The following FSD1L variants were observed in gnomAD, a reference collection of about 807,000 sequenced individuals.
FSD1L encodes FSD1-like protein.
A neutral mutation model predicts 71.6 loss-of-function variants in FSD1L; 45 were observed. That is an observed-to-expected ratio of 0.63 (90% CI 0.49 to 0.81). The LOEUF (loss-of-function observed/expected upper bound fraction) is 0.81. Among genes scored for constraint, FSD1L ranks in the 30% least tolerant of loss-of-function variants. The pLI is 0.00. For synonymous variants in FSD1L, 197 were observed against 207.2 expected (o/e 0.95, Z 0.42); for missense variants, 561 against 618.1 (o/e 0.91, Z 0.98).
At chr9:105,471,883 T>G (rs1337442234) in intron 4 of FSD1L, 21 bp from the exon 5 acceptor site, 4 of 442,824 alleles carry the variant, frequency 9.0e-6, no homozygotes, top group Non-Finnish European at 1.3e-5. Context: ...AATGACTTAG[T>G]TTTTTTTTTT....
chr9:105,491,648 C>G (rs1832947084), intron 7 of FSD1L, among the ~76,000 whole-genome samples: 1 of 151,790 alleles, frequency 6.6e-6, no homozygotes, highest in African/African-American at 2.4e-5. Context: ...TCATAGATAG[C>G]TCTTATTATT....
In FSD1L at chr9:105,448,106, C is replaced by A; in HGVS notation, c.-115C>A. 2 of 1,177,610 alleles carry A rather than the reference C, an allele frequency of 1.7e-6. No homozygotes were observed. The highest frequency in any genetic ancestry group is 2.1e-5 in the Admixed American group (1 of 47,878). The allele number at this position is 1,177,610 out of a possible 1,614,324, so 72.9% of individuals were successfully genotyped here. ...CGCGGACGGGTGGGGCCGGGCGGTG[C>A]CGGTGCGGGCTGGGGCAGTGCAGTG... On this transcript the variant is annotated 5_prime_UTR_variant, in exon 1 of 14. Coordinates refer to ENST00000481272, the MANE Select transcript of FSD1L (RefSeq NM_001145313.3).
chr9:105,495,761 G>A (rs1833344076), intron 7 of FSD1L, among the ~76,000 whole-genome samples: 1 of 152,168 alleles, frequency 6.6e-6, no homozygotes, highest in Admixed American at 6.5e-5. Flanking sequence ...CAGATCACAA[G>A]GTCAGGAGAT....
At chr9:105,515,869 T>G (rs1189409603) in intron 10 of FSD1L, among the ~76,000 whole-genome samples, 2 of 151,780 alleles carry the variant, frequency 1.3e-5, no homozygotes, top group Non-Finnish European at 2.9e-5. Context: ...AAAGGGATGC[T>G]GAAACCAGGG....
At chr9:105,459,317 C>T (rs1046482515) in intron 1 of FSD1L, among the ~76,000 whole-genome samples, 1 of 152,186 alleles carries the variant, frequency 6.6e-6, no homozygotes, top group Admixed American at 6.5e-5. Context: ...TTTTCCAGTT[C>T]TACTGAGCAC....
chr9:105,536,323 C>T (rs1312302781), intron 12 of FSD1L, among the ~76,000 whole-genome samples: 1 of 152,268 alleles, frequency 6.6e-6, no homozygotes, highest in African/African-American at 2.4e-5. Flanking sequence ...AACTTTCTTG[C>T]CCTGTTTTTC....
intron 6 of FSD1L, 92 bp from the exon 7 acceptor site, chr9:105,484,289 G>A (rs1832394720): frequency 1.2e-6 from 1 of 849,526 alleles, no homozygotes; most frequent in Non-Finnish European, 1.7e-6. Flanking sequence ...GAAATTATTA[G>A]TGATATAATT....
chr9:105,464,059 A>G (rs866570793), intron 2 of FSD1L, among the ~76,000 whole-genome samples, 177 bp from the exon 3 acceptor site: 25 of 152,194 alleles, frequency 1.6e-4, no homozygotes, highest in African/African-American at 5.5e-4. Context: ...GTACAAATAT[A>G]TACCCCATCT....
intron 1 of FSD1L, among the ~76,000 whole-genome samples, chr9:105,452,833 C>G (rs1830123342): frequency 6.6e-6 from 1 of 151,914 alleles, no homozygotes; most frequent in Non-Finnish European, 1.5e-5. Flanking sequence ...TTTCTGTGCT[C>G]AAGCTATCCT....
At chr9:105,523,378 C>T (rs1486322645) in intron 10 of FSD1L, 3 of 1,605,140 alleles carry the variant, frequency 1.9e-6, no homozygotes, top group Non-Finnish European at 8.5e-7. Context: ...GAATTTCCAT[C>T]AGAATGTTGT....
intron 8 of FSD1L, among the ~76,000 whole-genome samples, chr9:105,508,243 T>C (rs1834183819): frequency 6.7e-6 from 1 of 148,212 alleles, no homozygotes; most frequent in Admixed American, 6.8e-5. Flanking sequence ...AGTGGCGCGA[T>C]CTCAGCTAAC....
At chr9:105,443,582 G>A (rs138436545), upstream of FSD1L, among the ~76,000 whole-genome samples, 420 of 152,172 alleles carry the variant, frequency 2.8e-3, 1 homozygote, top group African/African-American at 9.4e-3. Context: ...TTTTTGCTTT[G>A]ACTTCCAAGG....
At chr9:105,509,286 T>C (rs946447424) in intron 9 of FSD1L, among the ~76,000 whole-genome samples, 3 of 152,186 alleles carry the variant, frequency 2.0e-5, no homozygotes, top group East Asian at 3.8e-4. Context: ...TAGACCTAGT[T>C]TGGAAAGGTG....
At position 105,448,087 on chromosome 9, in the gene FSD1L, C is replaced by T. The variant is rs1465076481; in HGVS notation, c.-134C>T. On this transcript the variant is annotated 5_prime_UTR_variant, in exon 1 of 14. It adds an upstream start codon to the 5' untranslated region. Coordinates refer to ENST00000481272, the MANE Select transcript of FSD1L (RefSeq NM_001145313.3). ...ACGGCGCGCGCGGTCTGGGCGCGGACGGGTGGGGCCGGGCGGTGCCGGTGC... is the reference window on the plus strand; with the variant it reads ...ACGGCGCGCGCGGTCTGGGCGCGGATGGGTGGGGCCGGGCGGTGCCGGTGC... 1 of 1,014,800 alleles carries T rather than the reference C, an allele frequency of 9.9e-7. No individual in the cohort carries two copies. Among genetic ancestry groups the T allele is most frequent in the Non-Finnish European group, 1.5e-6 (1 of 674,666 alleles). 62.9% of individuals were successfully genotyped at this position (1,014,800 alleles called of 1,614,324 possible). A position where few individuals can be genotyped will look rare whatever the true frequency, so the allele number is the denominator to read the frequency against.
Position 105,448,363 on chromosome 9 carries a change from G to T in FSD1L, c.15+128G>T, listed in dbSNP as rs938536256. 3.3e-6 allele frequency: 3 copies of T among 898,088 alleles called. No homozygotes were observed. The African/African-American group carries it at 5.4e-5, about 16-fold the overall frequency. 55.6% of individuals were successfully genotyped at this position (898,088 alleles called of 1,614,324 possible). On this transcript the variant is annotated intron_variant, in intron 1 of 13. Coordinates refer to ENST00000481272, the MANE Select transcript of FSD1L (RefSeq NM_001145313.3). The stretch of plus-strand genomic sequence containing the variant: ...GGCCGGGCGTCCGGGCTGCTGCTGC[G>T]GAGGGCAAGGCCGCCCGGCCGCTCT...
At chr9:105,456,154 G>A (rs1033176023) in intron 1 of FSD1L, among the ~76,000 whole-genome samples, 37 of 152,140 alleles carry the variant, frequency 2.4e-4, no homozygotes, top group African/African-American at 7.2e-4. Context: ...GCCTTTAGCC[G>A]TTCTGACCTT....
At chr9:105,453,709 T>G (rs549116939) in intron 1 of FSD1L, among the ~76,000 whole-genome samples, 3 of 152,280 alleles carry the variant, frequency 2.0e-5, no homozygotes, top group Admixed American at 6.5e-5. Flanking sequence ...ATTAGAAAGA[T>G]AGTGAAGCAG....
intron 12 of FSD1L, among the ~76,000 whole-genome samples, chr9:105,536,692 G>A (rs991666500): frequency 6.6e-6 from 1 of 152,082 alleles, no homozygotes; most frequent in Non-Finnish European, 1.5e-5. Flanking sequence ...CTGGAGTGCA[G>A]TGGCTCAGTC....
chr9:105,515,660 C>G (rs111320694), intron 10 of FSD1L, among the ~76,000 whole-genome samples: 1,662 of 152,256 alleles, frequency 0.011, 35 homozygotes, highest in African/African-American at 0.039. Flanking sequence ...TCAGATACTG[C>G]ACTTTTCCCA....
Sources: allele counts gnomAD v4.1 joint callset (sites outside exome capture counted in the v4.1 genomes callset), GRCh38; gene constraint gnomAD v4.1.1; transcripts MANE v1.5; gene names NCBI Gene and HGNC (gene_info 2026-07-23, HGNC 2026-07-21).